ULK4: variants seen among roughly 807,000 people sequenced by gnomAD.
ULK4 encodes inactive serine/threonine-protein kinase ULK4.
A neutral mutation model predicts 160.6 loss-of-function variants in ULK4; 133 were observed. The ratio of observed to expected loss-of-function variants is 0.83; its 90% CI spans 0.72 to 0.96. The LOEUF is 0.96. Among genes scored for constraint, ULK4 ranks in the 40% least tolerant of loss-of-function variants. The probability of loss-of-function intolerance (pLI) is 0.00; values close to 1 mark genes in which losing one functional copy is unlikely to be tolerated. For synonymous variants in ULK4, 534 were observed against 539.8 expected (o/e 0.99, Z 0.15); for missense variants, 1,580 against 1,499.5 (o/e 1.05, Z -0.89).
chr3:41,785,661 C>T (rs936079073), intron 21 of ULK4, among the ~76,000 whole-genome samples: 1 of 152,180 alleles, frequency 6.6e-6, no homozygotes, highest in African/African-American at 2.4e-5. Flanking sequence ...CTTCCTCTTC[C>T]ACTCATTCTA....
At chr3:41,600,675 C>T (rs552030907) in intron 31 of ULK4, among the ~76,000 whole-genome samples, 98 of 152,308 alleles carry the variant, frequency 6.4e-4, no homozygotes, top group African/African-American at 1.8e-3. Flanking sequence ...GTGGCACCAC[C>T]GTGTCTCTCC....
chr3:41,445,435 A>C (rs973554333), intron 34 of ULK4, among the ~76,000 whole-genome samples: 3 of 152,222 alleles, frequency 2.0e-5, no homozygotes, highest in African/African-American at 7.2e-5. Flanking sequence ...AAGCCAAAAG[A>C]ACAAAGCTGG....
chr3:41,721,442 A>G (rs2037469398), intron 22 of ULK4, among the ~76,000 whole-genome samples: 1 of 140,020 alleles, frequency 7.1e-6, no homozygotes, highest in African/African-American at 2.7e-5. Context: ...ATCTCGGTTC[A>G]ATGCAACCTC....
intron 5 of ULK4, among the ~76,000 whole-genome samples, chr3:41,922,149 T>C (rs1447552538): frequency 6.6e-6 from 1 of 151,942 alleles, no homozygotes; most frequent in Non-Finnish European, 1.5e-5. Flanking sequence ...CAAGACTCCA[T>C]CGCAAATAAA....
At chr3:41,386,124 C>T (rs1293568925) in intron 35 of ULK4, among the ~76,000 whole-genome samples, 1 of 152,174 alleles carries the variant, frequency 6.6e-6, no homozygotes, top group Non-Finnish European at 1.5e-5. Flanking sequence ...CCACGTTTGG[C>T]TCAAAACAGA....
Position 41,376,115 on chromosome 3 carries a change from T to G in ULK4, c.3678+21964A>C, listed in dbSNP as rs911209071. Among the ~76,000 whole-genome samples the G allele has an allele frequency of 3.3e-5, 5 of 150,340 alleles. 1 individual carries two copies. Among genetic ancestry groups the G allele is most frequent in the African/African-American group, 1.2e-4 (5 of 40,370 alleles). Reference sequence around the variant, plus strand: ...CTCAAGCCAGTTAGAATGGCAATCATTAAAAAGTCAGAAAACAACAGATGC... The same window carrying G: ...CTCAAGCCAGTTAGAATGGCAATCAGTAAAAAGTCAGAAAACAACAGATGC... On this transcript the variant is annotated intron_variant, in intron 35 of 36. Transcript: ENST00000301831.
chr3:41,553,257 C>G (rs1340262987), intron 32 of ULK4, among the ~76,000 whole-genome samples: 1 of 151,870 alleles, frequency 6.6e-6, no homozygotes, highest in Non-Finnish European at 1.5e-5. Context: ...ACAAATGGGA[C>G]TATATTAAAC....
chr3:41,354,258 G>C (rs1046363787), intron 35 of ULK4, among the ~76,000 whole-genome samples: 1 of 152,314 alleles, frequency 6.6e-6, no homozygotes, highest in Admixed American at 6.5e-5. Context: ...TCAGTCCACA[G>C]TGGCTGAGCA....
chr3:41,503,720 T>C (rs1027596893), intron 32 of ULK4, among the ~76,000 whole-genome samples: 1 of 152,214 alleles, frequency 6.6e-6, no homozygotes, highest in Non-Finnish European at 1.5e-5. Context: ...TAGTATGTTT[T>C]TGTCTTTTAA....
intron 35 of ULK4, among the ~76,000 whole-genome samples, chr3:41,364,836 C>A (rs967058110): frequency 6.6e-6 from 1 of 152,088 alleles, no homozygotes; most frequent in African/African-American, 2.4e-5. Context: ...ATCTTTTTTA[C>A]GGCTTCAATA....
intron 34 of ULK4, among the ~76,000 whole-genome samples, chr3:41,452,738 A>G (rs1191883992): frequency 6.6e-6 from 1 of 152,122 alleles, no homozygotes; most frequent in Non-Finnish European, 1.5e-5. Flanking sequence ...ATGAAAAGGC[A>G]AAAAGTAGCC....
intron 29 of ULK4, among the ~76,000 whole-genome samples, chr3:41,673,021 G>A (rs555968600): frequency 6.6e-6 from 1 of 151,988 alleles, no homozygotes; most frequent in Non-Finnish European, 1.5e-5. Context: ...CTAATTTTTT[G>A]TAGAGACAGA....
At chr3:41,853,633 G>A (rs1024486493) in intron 17 of ULK4, among the ~76,000 whole-genome samples, 6 of 152,144 alleles carry the variant, frequency 3.9e-5, no homozygotes, top group African/African-American at 1.4e-4. Context: ...TGAAACAACT[G>A]CAGCCCACTG....
At chr3:41,648,666 G>T (rs989173720) in intron 30 of ULK4, among the ~76,000 whole-genome samples, 3 of 152,036 alleles carry the variant, frequency 2.0e-5, no homozygotes, top group Non-Finnish European at 4.4e-5. Flanking sequence ...TAACTTTCCA[G>T]CTCAATTACC....
intron 34 of ULK4, among the ~76,000 whole-genome samples, chr3:41,423,460 C>G (rs2082704770): frequency 6.6e-6 from 1 of 152,092 alleles, no homozygotes; most frequent in Non-Finnish European, 1.5e-5. Flanking sequence ...AGGACGGGCT[C>G]AGGCTGCCTT....
chr3:41,448,227 G>A (rs531599529), intron 34 of ULK4, among the ~76,000 whole-genome samples: 1 of 152,206 alleles, frequency 6.6e-6, no homozygotes, highest in East Asian at 1.9e-4. Context: ...TTAGGACTAG[G>A]AGGCTGGGGA....
At chr3:41,723,415 CTCT>C (rs1184213413) in intron 22 of ULK4, among the ~76,000 whole-genome samples, 2 of 152,036 alleles carry the variant, frequency 1.3e-5, no homozygotes, top group Non-Finnish European at 2.9e-5. Flanking sequence ...TCTCCTCCTC[CTCT>C]TGTCTTTCAC....
At chr3:41,934,043 AAAT>A (rs943824489) in intron 4 of ULK4, among the ~76,000 whole-genome samples, 6 of 151,408 alleles carry the variant, frequency 4.0e-5, no homozygotes, top group African/African-American at 1.5e-4. Context: ...GTCTCAAAAA[AAAT>A]AATAATAAAA....
intron 33 of ULK4, 145 bp downstream of exon 33, chr3:41,462,942 G>A: frequency 1.0e-6 from 1 of 981,884 alleles, no homozygotes. Flanking sequence ...ACCCAAAGAT[G>A]ACTCTTCAGA....
Sources: allele counts gnomAD v4.1 joint callset (sites outside exome capture counted in the v4.1 genomes callset), GRCh38; gene constraint gnomAD v4.1.1; transcripts MANE v1.5; gene names NCBI Gene and HGNC (gene_info 2026-07-23, HGNC 2026-07-21).